PRR16: variants seen among roughly 807,000 people sequenced by gnomAD.
The protein encoded by PRR16 is proline rich 16.
Under a neutral mutation model 18.2 loss-of-function variants are expected in PRR16, and 6 were observed. The observed-to-expected ratio is 0.33, with a 90% CI of 0.18 to 0.65. PRR16 has a LOEUF of 0.65. Ranked by LOEUF, PRR16 falls within the 30% of genes least tolerant of loss-of-function variation. The pLI, the probability that PRR16 is intolerant of heterozygous loss-of-function variation, is 0.74. For synonymous variants in PRR16, 151 were observed against 147.8 expected, an observed-to-expected ratio of 1.02 and a Z score of -0.16; for missense variants, 412 against 376.6, an observed-to-expected ratio of 1.09 and a Z score of -0.78.
At chr5:120,612,380 T>C (rs370085090) in intron 1 of PRR16, among the ~76,000 whole-genome samples, 1 of 152,270 alleles carries the variant, frequency 6.6e-6, no homozygotes, top group African/African-American at 2.4e-5. Flanking sequence ...TGGAATGATA[T>C]GGTTTAGCTG....
At chr5:120,481,641 C>G (rs1272714798) in intron 1 of PRR16, among the ~76,000 whole-genome samples, 3 of 152,050 alleles carry the variant, frequency 2.0e-5, no homozygotes, top group Admixed American at 6.6e-5. Flanking sequence ...GTTAGATTAA[C>G]ATGGCTAGAA....
At chr5:120,608,266 C>A (rs1014672556) in intron 1 of PRR16, among the ~76,000 whole-genome samples, 1 of 152,050 alleles carries the variant, frequency 6.6e-6, no homozygotes, top group Non-Finnish European at 1.5e-5. Context: ...TTGCTCTTGG[C>A]CTTTTAAAAT....
chr5:120,734,804 T>A, the PRR16 span, among the ~76,000 whole-genome samples: 1 of 152,200 alleles, frequency 6.6e-6, no homozygotes, highest in African/African-American at 2.4e-5. Flanking sequence ...TTTTCACTAG[T>A]TTGAGATAGC....
chr5:120,673,601 ATATAC>A (rs1756690177), intron 1 of PRR16, among the ~76,000 whole-genome samples: 1 of 152,134 alleles, frequency 6.6e-6, no homozygotes, highest in African/African-American at 2.4e-5. Flanking sequence ...TGGGCTGTCT[ATATAC>A]TATCTATGCT....
chr5:120,477,191 C>T (rs185372365), intron 1 of PRR16, among the ~76,000 whole-genome samples: 11 of 152,196 alleles, frequency 7.2e-5, no homozygotes, highest in East Asian at 1.9e-4. Flanking sequence ...TATATGTCCA[C>T]GACTCCCAAA....
At chr5:120,640,163 T>A (rs1198548912) in intron 1 of PRR16, among the ~76,000 whole-genome samples, 1 of 152,016 alleles carries the variant, frequency 6.6e-6, no homozygotes, top group African/African-American at 2.4e-5. Context: ...AGGTAGCAGG[T>A]CAACAATGGT....
chr5:120,545,257 A>C (rs1047407404), intron 1 of PRR16, among the ~76,000 whole-genome samples: 2 of 152,162 alleles, frequency 1.3e-5, no homozygotes, highest in Admixed American at 1.3e-4. Context: ...TTTTCTGGCA[A>C]ATAAAATTAG....
downstream of PRR16, among the ~76,000 whole-genome samples, chr5:120,689,016 T>C (rs940843182): frequency 2.0e-5 from 3 of 152,150 alleles, no homozygotes; most frequent in Non-Finnish European, 2.9e-5. Flanking sequence ...ATTCAACACA[T>C]AAATAACTAA....
chr5:120,465,172 C>T (rs547261032), intron 1 of PRR16, among the ~76,000 whole-genome samples: 16 of 152,288 alleles, frequency 1.1e-4, no homozygotes, highest in African/African-American at 3.8e-4. Flanking sequence ...TCTCTCGAGC[C>T]TCGCTGTAGG....
chr5:120,606,184 A>C (rs1754148038), intron 1 of PRR16, among the ~76,000 whole-genome samples: 1 of 152,096 alleles, frequency 6.6e-6, no homozygotes, highest in Non-Finnish European at 1.5e-5. Context: ...ACATAATGCC[A>C]TTTTCTGGTT....
chr5:120,731,970 A>AG, the PRR16 span, among the ~76,000 whole-genome samples: 3 of 152,178 alleles, frequency 2.0e-5, no homozygotes, highest in Non-Finnish European at 4.4e-5. Flanking sequence ...TGGTAGCCCT[A>AG]GGGGGCTACA....
chr5:120,715,393 T>G, the PRR16 span, among the ~76,000 whole-genome samples: 1 of 152,200 alleles, frequency 6.6e-6, no homozygotes, highest in Non-Finnish European at 1.5e-5. Context: ...GAAAACTATA[T>G]AAACACACAC....
chr5:120,529,661 A>G (rs1227243690), intron 1 of PRR16, among the ~76,000 whole-genome samples: 3 of 152,164 alleles, frequency 2.0e-5, no homozygotes. Context: ...GGGGTGAAAT[A>G]GGACAGGGAA....
chr5:120,478,051 A>T (rs1047165126), intron 1 of PRR16, among the ~76,000 whole-genome samples: 6 of 152,056 alleles, frequency 3.9e-5, no homozygotes, highest in Non-Finnish European at 8.8e-5. Context: ...TCCTGCCTCC[A>T]GCTTCTGAAG....
the PRR16 span, among the ~76,000 whole-genome samples, chr5:120,699,739 G>A: frequency 1.3e-5 from 2 of 152,186 alleles, no homozygotes; most frequent in South Asian, 2.1e-4. Context: ...GCTACAGGGT[G>A]TGGTCCTGGC....
chr5:120,704,979 G>C, the PRR16 span, among the ~76,000 whole-genome samples: 1 of 152,006 alleles, frequency 6.6e-6, no homozygotes, highest in Non-Finnish European at 1.5e-5. Flanking sequence ...TCCTGAGCTA[G>C]AGATCCATTT....
the PRR16 span, among the ~76,000 whole-genome samples, chr5:120,794,540 C>A: frequency 2.0e-5 from 3 of 152,140 alleles, no homozygotes; most frequent in Non-Finnish European, 4.4e-5. Flanking sequence ...GGATGACGCC[C>A]ATATAAGATG....
chr5:120,618,733 T>G (rs558385702), intron 1 of PRR16, among the ~76,000 whole-genome samples: 2 of 152,176 alleles, frequency 1.3e-5, no homozygotes, highest in African/African-American at 4.8e-5. Flanking sequence ...CTTGGGATTC[T>G]TATTTTTTTT....
the PRR16 span, among the ~76,000 whole-genome samples, chr5:120,768,306 C>T: frequency 3.0e-4 from 45 of 151,752 alleles, no homozygotes; most frequent in African/African-American, 1.0e-3. Context: ...AGAAACAGTG[C>T]TAGCTATTGT....
Sources: allele counts gnomAD v4.1 joint callset (sites outside exome capture counted in the v4.1 genomes callset), GRCh38; gene constraint gnomAD v4.1.1; transcripts MANE v1.5; gene names NCBI Gene and HGNC (gene_info 2026-07-23, HGNC 2026-07-21).